ABCA2: variants seen among roughly 807,000 people sequenced by gnomAD.
ABCA2 encodes ATP binding cassette subfamily A member 2.
In ABCA2, 84 loss-of-function variants were observed where a neutral mutation model predicts 262.8. The observed-to-expected ratio is 0.32, with a 90% CI of 0.27 to 0.38. The LOEUF is 0.38. ABCA2 is among the 10% of genes least tolerant of loss of function. ABCA2 has a pLI of 1.00. For missense variants in ABCA2, 2,662 were observed against 3,405.9 expected (o/e 0.78, Z 5.44); for synonymous variants, 1,696 against 1,502.9 (o/e 1.13, Z -2.97).
Position 137,028,135 on chromosome 9 carries a change from G to A in ABCA2, c.6C>T (p.Gly2=). 1.0e-6 allele frequency: 1 copy of A among 984,222 alleles called. No homozygotes were observed. The highest frequency in any genetic ancestry group is 4.9e-4 in the Middle Eastern group (1 of 2,050). The allele number at this position is 984,222 out of a possible 1,614,324, so 61.0% of individuals were successfully genotyped here. A position where few individuals can be genotyped will look rare whatever the true frequency, so the allele number is the denominator to read the frequency against. The change falls in exon 1 of 49, where the codon GGC becomes GGT. Residue 2 remains glycine, a synonymous_variant. Coordinates refer to ENST00000341511, the MANE Select transcript of ABCA2 (RefSeq NM_001606.5). The surrounding 1 kb of genome is among the most constrained non-coding windows in gnomAD (Gnocchi z 6.9). ...GCAGCAGCTGCAGCTGGTGCAGGAA[G>A]CCCATGGCGGGGCCACGCTCCGCCG... M[G]FLHQLQLLLW...
In ABCA2 at chr9:137,017,577, T is replaced by C; in HGVS notation, c.2327A>G (p.Gln776Arg). ...TALTAILKYG[Q>R]VLMHSHVVII... The stretch of plus-strand genomic sequence containing the variant: ...GACCACGTGGCTGTGCATAAGCACC[T>C]GGCCGTACTTCAGGATGGCGGTGAG... The change falls in exon 17 of 49, where the codon CAG (glutamine) becomes CGG (arginine). Residue 776 changes from glutamine to arginine, a missense_variant. Gln to Arg is a conservative substitution (Grantham distance 43). Coordinates refer to ENST00000341511, the MANE Select transcript of ABCA2 (RefSeq NM_001606.5). 4 of 1,612,734 alleles carry C rather than the reference T, an allele frequency of 2.5e-6. No homozygotes were observed. Among genetic ancestry groups the C allele is most frequent in the Non-Finnish European group, 3.4e-6 (4 of 1,179,912 alleles).
In ABCA2 at chr9:137,011,296, A is replaced by G; in HGVS notation, c.5813T>C (p.Val1938Ala). Reference protein sequence around the residue: ...LFEHDKDLKVVNSYLKSCFLI... With the variant: ...LFEHDKDLKVANSYLKSCFLI... ...GAAGCAGCTTTTCAGGTAACTGTTG[A>G]CAACCTTCAGGTCCTGCGGGGTGGC... is the stretch of plus-strand genomic sequence containing the variant. The change falls in exon 38 of 49, where the codon GTC (valine) becomes GCC (alanine). Residue 1938 changes from valine to alanine, a missense_variant. Physicochemically the swap from Val to Ala is moderately conservative, Grantham distance 64. Coordinates refer to ENST00000341511, the MANE Select transcript of ABCA2 (RefSeq NM_001606.5). This position sits in a 1 kb window ranked among gnomAD's most constrained non-coding sequence, Gnocchi z 8.8. 1 of 1,612,232 alleles carries G rather than the reference A, an allele frequency of 6.2e-7. No individual in the cohort carries two copies. Among genetic ancestry groups the G allele is most frequent in the Non-Finnish European group, 8.5e-7 (1 of 1,179,692 alleles).
chr9:137,028,917 G>A (rs745538642), upstream of ABCA2: 6 of 1,288,562 alleles, frequency 4.7e-6, no homozygotes, highest in South Asian at 7.9e-5. This position sits in a 1 kb window ranked among gnomAD's most constrained non-coding sequence, Gnocchi z 6.9. Flanking sequence ...GGGATCAGGC[G>A]GTTCTGCGGC....
Position 137,008,447 on chromosome 9 carries a change from T to G in ABCA2, c.7244A>C (p.Asp2415Ala). Residue 2415 changes from aspartate (D) to alanine (A), a missense_variant, in exon 48 of 49, where the codon GAC (aspartate) becomes GCC (alanine). Physicochemically the swap from Asp to Ala is moderately radical, Grantham distance 126 (BLOSUM62 -2). Coordinates refer to ENST00000341511, the MANE Select transcript of ABCA2 (RefSeq NM_001606.5). Reference sequence around the variant, plus strand: ...CTCCTCGAAGCTGATGAGGCCCTCGTCCTCCGTGTCCAGGTCCTCGGGCTC... The same window carrying G: ...CTCCTCGAAGCTGATGAGGCCCTCGGCCTCCGTGTCCAGGTCCTCGGGCTC... The part of the protein sequence containing the change: ...ADEPEDLDTE[D>A]EGLISFEEER... The G allele has an allele frequency of 6.4e-7, 1 of 1,555,728 alleles. No individual in the cohort carries two copies. Among genetic ancestry groups the G allele is most frequent in the South Asian group, 1.2e-5 (1 of 84,658 alleles).
In ABCA2 at chr9:137,018,806, C is replaced by G; in HGVS notation, c.1732G>C (p.Asp578His). Residue 578 changes from aspartate (D) to histidine (H), a missense_variant, in exon 13 of 49, where the codon GAC becomes CAC. Asp to His is a moderately conservative substitution (Grantham distance 81). Coordinates refer to ENST00000341511, the MANE Select transcript of ABCA2 (RefSeq NM_001606.5). ...TCGTCGGGGAAGCCCTTGAAGATGT[C>G]CACGCTCACCTAGCGGGAGGGGCAT... ...WIQFMSKVSV[D>H]IFKGFPDEES... 6.2e-7 allele frequency: 1 copy of G among 1,612,712 alleles called. No homozygotes were observed. Among genetic ancestry groups the G allele is most frequent in the Non-Finnish European group, 8.5e-7 (1 of 1,179,848 alleles).
chr9:137,028,390 G>A (rs1831736810), upstream of ABCA2: 2 of 602,312 alleles, frequency 3.3e-6, no homozygotes, highest in Non-Finnish European at 4.1e-6. The surrounding 1 kb of genome is among the most constrained non-coding windows in gnomAD (Gnocchi z 6.9). Context: ...CGCCCGCGCC[G>A]CGCCCGGGAC....
chr9:137,025,611 T>C (rs1187286813), intron 1 of ABCA2, among the ~76,000 whole-genome samples: 2 of 152,212 alleles, frequency 1.3e-5, no homozygotes, highest in African/African-American at 4.8e-5. Context: ...ACCCGCTCCC[T>C]GAGCCAGGAC....
chr9:137,014,002 C>T lies in ABCA2; in HGVS notation c.4277G>A (p.Gly1426Asp). Residue 1426 changes from glycine (G) to aspartate (D), a missense_variant, in exon 28 of 49, where the codon GGC becomes GAC. Physicochemically the swap from Gly to Asp is moderately conservative, Grantham distance 94. This residue lies in a region of ABCA2 where 297 missense variants were observed against 286.5 expected (regional missense o/e 1.04). Transcript: ENST00000341511. ...EAEALSRVGQ[G>D]SRKLDGGWLK... ...CCACCCGCCGTCCAGCTTGCGGCTGCCCTGGCCGACCCTCGACAGGGCCTC... is the reference window on the plus strand; with the variant it reads ...CCACCCGCCGTCCAGCTTGCGGCTGTCCTGGCCGACCCTCGACAGGGCCTC... 1 of 1,611,766 alleles carries T rather than the reference C, an allele frequency of 6.2e-7. No homozygotes were observed.
chr9:137,023,698 G>A, intron 3 of ABCA2, 140 bp downstream of exon 3: 1 of 695,134 alleles, frequency 1.4e-6, no homozygotes, highest in East Asian at 2.7e-5. Context: ...CCCCCCATCT[G>A]GAGCCAGCTG....
Position 137,010,359 on chromosome 9 carries a change from G to A in ABCA2, c.6187C>T (p.Arg2063Trp), listed in dbSNP as rs767524737. Residue 2063 changes from arginine (R) to tryptophan (W), a missense_variant, in exon 41 of 49, where the codon CGG becomes TGG. Physicochemically the swap from Arg to Trp is moderately radical, Grantham distance 101. This residue lies in a region of ABCA2 where 602 missense variants were observed against 897.4 expected (regional missense o/e 0.67). Transcript: ENST00000341511. ...ACGGCCAGGATACGGCCAATCTTCC[G>A]GGACTTGTAGACCTGGCCAGGAGCC... is the stretch of plus-strand genomic sequence containing the variant. ...IENLTKVYKSRKIGRILAVDR... is the reference protein window; with the variant it reads ...IENLTKVYKSWKIGRILAVDR... 18 of 1,571,798 alleles carry A rather than the reference G, an allele frequency of 1.1e-5. No homozygotes were observed. Among genetic ancestry groups the A allele is most frequent in the Non-Finnish European group, 1.5e-5 (17 of 1,159,156 alleles).
intron 2 of ABCA2, 148 bp downstream of exon 2, chr9:137,023,994 AG>A (rs1831567106): frequency 6.5e-7 from 1 of 1,532,312 alleles, no homozygotes; most frequent in Non-Finnish European, 8.8e-7. Context: ...CCCAGCCAGG[AG>A]GCACGGCCCA....
chr9:137,026,413 T>C (rs1004842666), intron 1 of ABCA2, among the ~76,000 whole-genome samples: 4 of 152,110 alleles, frequency 2.6e-5, no homozygotes, highest in African/African-American at 9.7e-5. Context: ...CCCAGGAAAG[T>C]GGGGACCCAG....
chr9:137,023,005 T>C lies in ABCA2; in HGVS notation c.211A>G (p.Met71Val). ...PLTSAGILPV[M>V]QSLCPDGQRD... ...TGGCCGTCCGGGCACAGCGATTGCA[T>C]GACAGGCAGGATGCCGGCAGACGTC... Residue 71 changes from methionine to valine, a missense_variant, in exon 4 of 49, where the codon ATG becomes GTG. Met to Val is a conservative substitution (Grantham distance 21). Coordinates refer to ENST00000341511, the MANE Select transcript of ABCA2 (RefSeq NM_001606.5). 1 of 1,596,236 alleles carries C rather than the reference T, an allele frequency of 6.3e-7. No individual in the cohort carries two copies. Among genetic ancestry groups the C allele is most frequent in the South Asian group, 1.1e-5 (1 of 88,282 alleles).
Position 137,024,132 on chromosome 9 carries a change from G to T in ABCA2, c.160+11C>A. The T allele has an allele frequency of 6.2e-7, 1 of 1,602,406 alleles. No individual in the cohort carries two copies. The highest frequency in any genetic ancestry group is 8.5e-7 in the Non-Finnish European group (1 of 1,174,988). On this transcript the variant is annotated intron_variant, in intron 2 of 48. Coordinates refer to ENST00000341511, the MANE Select transcript of ABCA2 (RefSeq NM_001606.5). ...CCCCCGGCTGTGCCTGGGGCCTCCT[G>T]CCGCACTCACCTTCCTTCACGGAGA...
chr9:137,018,175 C>T lies in ABCA2; in HGVS notation c.1993+3G>A, dbSNP rs780864170. ...CAGCCGGTCTTCCGGGCCTGCTCCT[C>T]ACCCTGGATCCAGACGAAGCCGTAG... On this transcript the variant is annotated splice_donor_region_variant and intron_variant, in intron 14 of 48. Coordinates refer to ENST00000341511, the MANE Select transcript of ABCA2 (RefSeq NM_001606.5). 1.2e-6 allele frequency: 2 copies of T among 1,611,746 alleles called. No homozygotes were observed. Among genetic ancestry groups the T allele is most frequent in the Admixed American group, 1.7e-5 (1 of 59,968 alleles).
Position 137,015,412 on chromosome 9 carries a change from A to T in ABCA2, c.3697+2T>A. The stretch of plus-strand genomic sequence containing the variant: ...GCCAGCTCAGGCAGCTTCAACACAG[A>T]CCTTGGGGGCCCCCCGGCTCGGCGG... On this transcript the variant is annotated splice_donor_variant, in intron 24 of 48. Transcript: ENST00000341511. LOFTEE classifies it high-confidence loss of function. 6.4e-7 allele frequency: 1 copy of T among 1,558,158 alleles called. No individual in the cohort carries two copies. Among genetic ancestry groups the T allele is most frequent in the Non-Finnish European group, 8.7e-7 (1 of 1,152,382 alleles).
rs1371824809 is a variant in ABCA2, at chr9:137,014,271, C to G, written c.4137G>C (p.Val1379=). 1.9e-6 allele frequency: 3 copies of G among 1,611,298 alleles called. No homozygotes were observed. The Admixed American group carries it at 5.0e-5, about 27-fold the overall frequency. The part of the protein sequence containing the change: ...SQASLQSASS[V]GSARGDEGAG... ...CTCCCTCGTCGCCACGGGCAGAGCC[C>G]ACAGATGACGCCGACTGCAGCGATG... is the stretch of plus-strand genomic sequence containing the variant. Residue 1379 remains valine, a synonymous_variant, in exon 27 of 49, where the codon GTG becomes GTC. Transcript: ENST00000341511.
chr9:137,014,896 C>A lies in ABCA2; in HGVS notation c.3882+17G>T. The A allele has an allele frequency of 1.3e-6, 2 of 1,577,942 alleles. No homozygotes were observed. Among genetic ancestry groups the A allele is most frequent in the South Asian group, 1.2e-5 (1 of 86,344 alleles). On this transcript the variant is annotated intron_variant, in intron 25 of 48. Coordinates refer to ENST00000341511, the MANE Select transcript of ABCA2 (RefSeq NM_001606.5). Reference sequence around the variant, plus strand: ...TCCACCACCTGCAACTGCCCCCCGACCCGTGCGCCCTCACACCTGGAAGAG... The same window carrying A: ...TCCACCACCTGCAACTGCCCCCCGAACCGTGCGCCCTCACACCTGGAAGAG...
intron 19 of ABCA2, 89 bp downstream of exon 19, chr9:137,016,831 C>A: frequency 6.4e-7 from 1 of 1,562,206 alleles, no homozygotes; most frequent in South Asian, 1.2e-5. Flanking sequence ...GCCACCCGTG[C>A]TGCATCCAGG....
Sources: allele counts gnomAD v4.1 joint callset (sites outside exome capture counted in the v4.1 genomes callset), GRCh38; gene constraint gnomAD v4.1.1; regional missense constraint gnomAD v4.1.1; non-coding constraint Gnocchi (gnomAD v3.1); transcripts MANE v1.5; gene names NCBI Gene and HGNC (gene_info 2026-07-23, HGNC 2026-07-21).